Variants in PDGFD observed in about 807,000 individuals in gnomAD.
The protein encoded by PDGFD is platelet derived growth factor D, also known as platelet-derived growth factor D.
Under a neutral mutation model 44.7 loss-of-function variants are expected in PDGFD, and 30 were observed. That is an observed-to-expected ratio of 0.67 (90% CI 0.50 to 0.91). PDGFD has a LOEUF of 0.91. PDGFD is among the 40% of genes least tolerant of loss of function. The pLI is 0.00. For missense variants in PDGFD, 445 were observed against 457.8 expected (o/e 0.97, Z 0.25); for synonymous variants, 173 against 168.4 (o/e 1.03, Z -0.21).
intron 5 of PDGFD, among the ~76,000 whole-genome samples, chr11:103,928,722 C>T (rs926187014): frequency 6.6e-6 from 1 of 152,182 alleles, no homozygotes. Context: ...TTTGTAAAGA[C>T]ATGTCATAAC....
At chr11:104,037,106 A>C in intron 1 of PDGFD, 1 of 1,614,104 alleles carries the variant, frequency 6.2e-7, no homozygotes, top group Non-Finnish European at 8.5e-7. Context: ...CCTCGTGTAG[A>C]CTTCAGTGGC....
chr11:103,974,821 G>A (rs1230602460), intron 3 of PDGFD, among the ~76,000 whole-genome samples: 1 of 152,146 alleles, frequency 6.6e-6, no homozygotes, highest in African/African-American at 2.4e-5. Flanking sequence ...CAAAAGACAT[G>A]AACACATTAA....
intron 1 of PDGFD, among the ~76,000 whole-genome samples, chr11:104,094,763 G>A (rs563340275): frequency 1.3e-5 from 2 of 152,180 alleles, no homozygotes; most frequent in Admixed American, 6.6e-5. Flanking sequence ...CAGTCTCCAA[G>A]CTAGTTTCCC....
chr11:104,152,140 T>G (rs753802831), intron 1 of PDGFD, among the ~76,000 whole-genome samples: 1 of 152,170 alleles, frequency 6.6e-6, no homozygotes, highest in Non-Finnish European at 1.5e-5. Context: ...ATGTTTTTTG[T>G]AGTTGGGTTT....
At chr11:103,955,520 A>T (rs913080165) in intron 3 of PDGFD, among the ~76,000 whole-genome samples, 7 of 152,250 alleles carry the variant, frequency 4.6e-5, no homozygotes, top group Non-Finnish European at 5.9e-5. Context: ...CTGTAGCCCA[A>T]CCAAAACTTA....
At chr11:104,025,298 C>T (rs751724283) in intron 1 of PDGFD, among the ~76,000 whole-genome samples, 6 of 152,200 alleles carry the variant, frequency 3.9e-5, no homozygotes, top group Non-Finnish European at 8.8e-5. Flanking sequence ...GGAACCTTGA[C>T]CCAGGCATCA....
intron 3 of PDGFD, among the ~76,000 whole-genome samples, chr11:103,957,429 A>T (rs1858868891): frequency 6.6e-6 from 1 of 152,202 alleles, no homozygotes; most frequent in Non-Finnish European, 1.5e-5. Flanking sequence ...AGCCAAAAGA[A>T]CAAAGCTGGA....
intron 3 of PDGFD, among the ~76,000 whole-genome samples, chr11:103,969,954 C>A (rs1859079483): frequency 6.6e-6 from 1 of 151,856 alleles, no homozygotes; most frequent in African/African-American, 2.4e-5. Flanking sequence ...ACAGAGTTTC[C>A]CTACCATAGA....
intron 1 of PDGFD, among the ~76,000 whole-genome samples, chr11:104,020,953 G>GT (rs539582975): frequency 8.2e-4 from 125 of 152,252 alleles, no homozygotes; most frequent in African/African-American, 2.9e-3. Context: ...CCTGTCTGCT[G>GT]TATGAAGAAT....
chr11:103,996,376 C>G (rs940617135), intron 2 of PDGFD, 131 bp from the exon 3 acceptor site: 1 of 861,584 alleles, frequency 1.2e-6, no homozygotes, highest in East Asian at 2.8e-5. Flanking sequence ...TTATAATGTA[C>G]AGAAATGTTA....
chr11:104,113,695 A>G (rs1011858656), intron 1 of PDGFD, among the ~76,000 whole-genome samples: 4 of 151,924 alleles, frequency 2.6e-5, no homozygotes, highest in Non-Finnish European at 5.9e-5. Flanking sequence ...TATAAGAAAA[A>G]CGATCTTCCA....
At chr11:104,045,872 A>G (rs1175569836) in intron 1 of PDGFD, among the ~76,000 whole-genome samples, 1 of 147,220 alleles carries the variant, frequency 6.8e-6, no homozygotes, top group Non-Finnish European at 1.5e-5. Context: ...TACGAACAGG[A>G]CAAGATGCCT....
rs66571550 is a variant in PDGFD, at chr11:103,969,474, G to GTTTTTTTTTTTTTT, written c.511-21764_511-21751dup. On this transcript the variant is annotated intron_variant, in intron 3 of 6. Transcript: ENST00000393158. Reference sequence around the variant, plus strand: ...ACTATTTAGTTTTACACCAAGCCTGGTTTTTTTTTTTTTTTTTTTTTTTTC... The same window carrying GTTTTTTTTTTTTTT: ...ACTATTTAGTTTTACACCAAGCCTGGTTTTTTTTTTTTTTTTTTTTTTTTTTTTTTTTTTTTTTC... 6.5e-4 allele frequency among the ~76,000 whole-genome samples: 58 copies of GTTTTTTTTTTTTTT among 89,798 alleles called. 8 individuals carry two copies. In the East Asian group the frequency reaches 0.012, roughly 19 times the overall value. The allele number at this position is 89,798 out of a possible 152,430, so 58.9% of individuals were successfully genotyped here.
intron 1 of PDGFD, among the ~76,000 whole-genome samples, chr11:104,120,108 T>C (rs1462448684): frequency 6.6e-6 from 1 of 150,594 alleles, no homozygotes; most frequent in South Asian, 2.1e-4. Context: ...AAGTCAAGGC[T>C]GACTTATAGC....
At chr11:103,995,552 T>C (rs1200781839) in intron 3 of PDGFD, among the ~76,000 whole-genome samples, 1 of 152,230 alleles carries the variant, frequency 6.6e-6, no homozygotes, top group Non-Finnish European at 1.5e-5. Flanking sequence ...ATTGGACCTT[T>C]TGATTTTGCA....
At chr11:103,995,951 T>C in intron 3 of PDGFD, 114 bp downstream of exon 3, 1 of 883,480 alleles carries the variant, frequency 1.1e-6, no homozygotes, top group South Asian at 1.8e-5. Flanking sequence ...CAAACCATGT[T>C]ATAAGGAACT....
chr11:104,079,148 A>C (rs1861008632), intron 1 of PDGFD, among the ~76,000 whole-genome samples: 1 of 152,208 alleles, frequency 6.6e-6, no homozygotes, highest in Admixed American at 6.5e-5. Flanking sequence ...CAAAGTAGAC[A>C]TGTTAGCTAC....
At chr11:104,127,590 A>C (rs1482620007) in intron 1 of PDGFD, among the ~76,000 whole-genome samples, 1 of 152,152 alleles carries the variant, frequency 6.6e-6, no homozygotes, top group African/African-American at 2.4e-5. Context: ...TCCAGTCCTG[A>C]TTCAATGCAT....
intron 1 of PDGFD, among the ~76,000 whole-genome samples, chr11:104,128,668 G>C (rs1309364243): frequency 6.6e-6 from 1 of 152,104 alleles, no homozygotes; most frequent in Non-Finnish European, 1.5e-5. Flanking sequence ...CTCTGGTTTG[G>C]AATTCTGGCC....
Sources: allele counts gnomAD v4.1 joint callset (sites outside exome capture counted in the v4.1 genomes callset), GRCh38; gene constraint gnomAD v4.1.1; transcripts MANE v1.5; gene names NCBI Gene and HGNC (gene_info 2026-07-23, HGNC 2026-07-21).